Variants in ZBTB20 observed in about 807,000 individuals in gnomAD.
ZBTB20 encodes zinc finger and BTB domain containing 20, also known as zinc finger and BTB domain-containing protein 20.
ZBTB20 carries 9 observed loss-of-function variants against 56.9 expected under a neutral mutation model. That is an observed-to-expected ratio of 0.16 (90% confidence interval 0.10 to 0.28). ZBTB20 has a LOEUF of 0.28. ZBTB20 is among the 10% of genes least tolerant of loss of function. The pLI is 1.00. For missense variants in ZBTB20, 655 were observed against 1,003.0 expected, an observed-to-expected ratio of 0.65 and a Z score of 4.69; for synonymous variants, 417 against 420.7, an observed-to-expected ratio of 0.99 and a Z score of 0.11.
At position 114,380,271 on chromosome 3, in the gene ZBTB20, T is replaced by C. The variant is rs1442801824; in HGVS notation, c.145A>G (p.Ile49Val). 1.3e-6 allele frequency: 2 copies of C among 1,537,108 alleles called. No individual in the cohort carries two copies. The highest frequency in any genetic ancestry group is 3.9e-5 in the Admixed American group (2 of 50,992). The stretch of plus-strand genomic sequence containing the variant: ...TTTGTCAGTGAATGTGTTGAGTGGA[T>C]GAGGGCTGGGTCTGGAGACAAAACA... ...EAVLSPDPALIHSTHSLTNSH... is the reference protein window; with the variant it reads ...EAVLSPDPALVHSTHSLTNSH... Residue 49 changes from isoleucine to valine, a missense_variant, in exon 10 of 12, where the codon ATC becomes GTC. By Grantham distance (29) the Ile-to-Val change is conservative (BLOSUM62 3). This residue lies in a region of ZBTB20 where 79 missense variants were observed against 78.4 expected (regional missense o/e 1.01). Coordinates refer to ENST00000675478, the MANE Select transcript of ZBTB20 (RefSeq NM_001348800.3).
chr3:114,518,228 C>T (rs908999045), intron 6 of ZBTB20, among the ~76,000 whole-genome samples: 1 of 152,034 alleles, frequency 6.6e-6, no homozygotes, highest in Admixed American at 6.6e-5. Context: ...CATGTACACA[C>T]ATTTCAAATA....
At chr3:115,041,034 C>T (rs561842743) in intron 2 of ZBTB20, among the ~76,000 whole-genome samples, 21 of 152,166 alleles carry the variant, frequency 1.4e-4, no homozygotes, top group South Asian at 6.2e-4. Flanking sequence ...AAGGGGAACA[C>T]GCATTTTTTA....
At chr3:114,435,901 C>A (rs755003315) in intron 7 of ZBTB20, among the ~76,000 whole-genome samples, 1 of 152,132 alleles carries the variant, frequency 6.6e-6, no homozygotes, top group Non-Finnish European at 1.5e-5. Context: ...GAATTTGGGG[C>A]CTATATACTG....
chr3:114,809,042 T>C (rs2072325295), intron 4 of ZBTB20, among the ~76,000 whole-genome samples: 1 of 151,860 alleles, frequency 6.6e-6, no homozygotes, highest in Non-Finnish European at 1.5e-5. Flanking sequence ...TAATGAGAAG[T>C]AAGCTGTTAA....
Position 114,317,603 on chromosome 3 carries a change from T to C in ZBTB20, c.*21402A>G, listed in dbSNP as rs1416280331. Reference sequence around the variant, plus strand: ...AAGGGGTTGAAATGTTTGTGTTCAATGTTTAGGGGGAATGTGTTAAACAAA... The same window carrying C: ...AAGGGGTTGAAATGTTTGTGTTCAACGTTTAGGGGGAATGTGTTAAACAAA... On this transcript the variant is annotated 3_prime_UTR_variant, in exon 12 of 12. Transcript: ENST00000675478. 1 of 152,202 alleles carries C rather than the reference T, an allele frequency of 6.6e-6. No individual in the cohort carries two copies. Among genetic ancestry groups the C allele is most frequent in the Non-Finnish European group, 1.5e-5 (1 of 68,042 alleles). The allele number at this position is 152,202 out of a possible 1,614,324, so 9.4% of individuals were successfully genotyped here.
intron 2 of ZBTB20, among the ~76,000 whole-genome samples, chr3:115,056,292 CTTAGACTGA>C (rs761296305): frequency 7.2e-5 from 11 of 152,016 alleles, no homozygotes; most frequent in Non-Finnish European, 1.5e-4. Flanking sequence ...TTTACCTTGG[CTTAGACTGA>C]AAATGTTTAT....
chr3:115,010,741 C>T (rs2079667005), intron 2 of ZBTB20, among the ~76,000 whole-genome samples: 1 of 151,920 alleles, frequency 6.6e-6, no homozygotes, highest in Non-Finnish European at 1.5e-5. Context: ...CCTGGACAAA[C>T]ATCTATAAGC....
Position 114,479,066 on chromosome 3 carries a change from T to TG in ZBTB20, c.-255+21285dup, listed in dbSNP as rs5851929. Among the ~76,000 whole-genome samples, 46 of 147,594 alleles carry TG rather than the reference T, an allele frequency of 3.1e-4. 2 individuals are homozygous for TG. Among genetic ancestry groups the TG allele is most frequent in the South Asian group, 1.7e-3 (8 of 4,626 alleles). ...TTTTTTTTCTGGTCTGTTCCTCTAT[T>TG]GGGGGGGGGCCACAGTAGGGTGTTT... is the stretch of plus-strand genomic sequence containing the variant. On this transcript the variant is annotated intron_variant, in intron 7 of 11. Coordinates refer to ENST00000675478, the MANE Select transcript of ZBTB20 (RefSeq NM_001348800.3).
chr3:114,921,921 T>G lies in ZBTB20; in HGVS notation c.-455-21579A>C, dbSNP rs191367026. 2.5e-4 allele frequency among the ~76,000 whole-genome samples: 38 copies of G among 152,156 alleles called. 1 individual carries two copies. The highest frequency in any genetic ancestry group is 2.4e-3 in the Admixed American group (37 of 15,286). On this transcript the variant is annotated intron_variant, in intron 3 of 11. Transcript: ENST00000675478. Reference sequence around the variant, plus strand: ...ACAAGAAAAGAAAATTACAGAGCAATATCTTAGATGAATATAGATACAAAA... The same window carrying G: ...ACAAGAAAAGAAAATTACAGAGCAAGATCTTAGATGAATATAGATACAAAA...
chr3:114,661,811 G>C (rs1398621638), intron 6 of ZBTB20, among the ~76,000 whole-genome samples: 2 of 152,068 alleles, frequency 1.3e-5, no homozygotes, highest in East Asian at 3.9e-4. Context: ...GAATTCTACA[G>C]AGGCCAAAAT....
intron 1 of ZBTB20, among the ~76,000 whole-genome samples, chr3:115,093,793 T>G (rs2083283925): frequency 6.6e-6 from 1 of 152,098 alleles, no homozygotes; most frequent in Non-Finnish European, 1.5e-5. Context: ...GTTCTAGAAA[T>G]GTGAGATGTT....
In ZBTB20 at chr3:115,104,615, C is replaced by T. The variant is rs72945776; in HGVS notation, c.-702-33201G>A. ...AAAAGATTGCCTTCTATCCACTGTA[C>T]GTATCTATACACTGTATGATTCCAA... On this transcript the variant is annotated intron_variant, in intron 1 of 11. Coordinates refer to ENST00000675478, the MANE Select transcript of ZBTB20 (RefSeq NM_001348800.3). Among the ~76,000 whole-genome samples, 332 of 152,184 alleles carry T rather than the reference C, an allele frequency of 2.2e-3. 3 individuals are homozygous for T. Among genetic ancestry groups the T allele is most frequent in the African/African-American group, 7.4e-3 (309 of 41,508 alleles).
At chr3:114,932,337 A>C (rs2076389438) in intron 3 of ZBTB20, among the ~76,000 whole-genome samples, 1 of 152,228 alleles carries the variant, frequency 6.6e-6, no homozygotes, top group South Asian at 2.1e-4. Flanking sequence ...GCTGATCAAC[A>C]AAATCTTGTC....
chr3:115,134,784 CT>C (rs1560598745), intron 1 of ZBTB20, among the ~76,000 whole-genome samples: 1 of 152,174 alleles, frequency 6.6e-6, no homozygotes, highest in Non-Finnish European at 1.5e-5. Context: ...AAATGAATTG[CT>C]ATTTTTCGCT....
chr3:114,431,432 T>C (rs983001095), intron 7 of ZBTB20, among the ~76,000 whole-genome samples: 4 of 152,190 alleles, frequency 2.6e-5, no homozygotes, highest in African/African-American at 9.7e-5. Context: ...TAATGTAATT[T>C]TCCAGAGCAT....
At chr3:114,677,689 T>G (rs1242580642) in intron 6 of ZBTB20, among the ~76,000 whole-genome samples, 1 of 152,196 alleles carries the variant, frequency 6.6e-6, no homozygotes, top group Non-Finnish European at 1.5e-5. Context: ...GATGACTGTA[T>G]GTCAGGTACA....
At chr3:114,625,458 T>C (rs1406530056) in intron 6 of ZBTB20, among the ~76,000 whole-genome samples, 5 of 152,090 alleles carry the variant, frequency 3.3e-5, no homozygotes, top group African/African-American at 1.2e-4. Flanking sequence ...ACAAATAAAA[T>C]GCAAGGCACT....
chr3:114,989,141 A>G lies in ZBTB20; in HGVS notation c.-506-14725T>C, dbSNP rs530016980. 2.4e-4 allele frequency among the ~76,000 whole-genome samples: 37 copies of G among 152,216 alleles called. No homozygotes were observed. In the South Asian group the frequency reaches 7.0e-3, roughly 29 times the overall value. On this transcript the variant is annotated intron_variant, in intron 2 of 11. Coordinates refer to ENST00000675478, the MANE Select transcript of ZBTB20 (RefSeq NM_001348800.3). ...TTTGTTAATTTTGGCTTTTGTTGCC[A>G]TTGCTTTTGGTGTTTTAGACATGAA...
At chr3:114,807,499 T>C (rs1427804681) in intron 4 of ZBTB20, among the ~76,000 whole-genome samples, 1 of 151,208 alleles carries the variant, frequency 6.6e-6, no homozygotes, top group Non-Finnish European at 1.5e-5. Flanking sequence ...CTTTCTTACA[T>C]GTATTTATCA....
Sources: gnomAD v4.1 joint callset for allele counts (sites outside exome capture counted in the v4.1 genomes callset) on GRCh38, gnomAD v4.1.1 for gene constraint, gnomAD v4.1.1 regional missense constraint, MANE v1.5 for transcripts, NCBI Gene and HGNC (gene_info 2026-07-23, HGNC 2026-07-21) for gene names.